The following SGMS1 variants were observed in gnomAD, a reference collection of about 807,000 sequenced individuals.
The protein encoded by SGMS1 is phosphatidylcholine:ceramide cholinephosphotransferase 1.
Under a neutral mutation model 46.2 loss-of-function variants are expected in SGMS1, and 13 were observed. That is an observed-to-expected ratio of 0.28 (90% confidence interval 0.18 to 0.45). SGMS1 has a LOEUF of 0.45. Ranked by LOEUF, SGMS1 falls within the 20% of genes least tolerant of loss-of-function variation. The pLI is 1.00. For synonymous variants in SGMS1, 203 were observed against 187.8 expected (o/e 1.08, Z -0.66); for missense variants, 324 against 519.9 (o/e 0.62, Z 3.66).
At chr10:50,354,632 A>C (rs1224426405) in intron 6 of SGMS1, among the ~76,000 whole-genome samples, 1 of 152,218 alleles carries the variant, frequency 6.6e-6, no homozygotes, top group Non-Finnish European at 1.5e-5. Context: ...AGCAAAAGAA[A>C]CTACCATCAG....
intron 8 of SGMS1, among the ~76,000 whole-genome samples, chr10:50,312,235 T>A (rs1171563977): frequency 1.3e-5 from 2 of 151,810 alleles, no homozygotes; most frequent in African/African-American, 4.8e-5. Context: ...CTTATAAGAA[T>A]CTAGCTTTGG....
In SGMS1 at chr10:50,455,450, T is replaced by C. The variant is rs577441655; in HGVS notation, c.-313+5223A>G. Among the ~76,000 whole-genome samples the C allele has an allele frequency of 5.3e-5, 8 of 152,334 alleles. No homozygotes were observed. In the East Asian group the frequency reaches 1.5e-3, roughly 29 times the overall value. On this transcript the variant is annotated intron_variant, in intron 5 of 10. Transcript: ENST00000361781. ...CATACATTGATACCCCTGCACCAAC[T>C]GTCTGGTAAATAAAGCTAAGATTTT...
intron 3 of SGMS1, among the ~76,000 whole-genome samples, chr10:50,506,580 A>G (rs1035697013): frequency 2.4e-4 from 36 of 152,202 alleles, no homozygotes; most frequent in African/African-American, 8.4e-4. Flanking sequence ...ACAGAATCCT[A>G]CACTAAAAGG....
chr10:50,533,781 G>T (rs181258157), intron 2 of SGMS1, among the ~76,000 whole-genome samples: 5 of 151,938 alleles, frequency 3.3e-5, no homozygotes, highest in Admixed American at 2.0e-4. Flanking sequence ...AATATATAAA[G>T]TTTATATACA....
At chr10:50,614,063 C>A (rs530090987) in intron 1 of SGMS1, among the ~76,000 whole-genome samples, 26 of 151,746 alleles carry the variant, frequency 1.7e-4, no homozygotes, top group African/African-American at 5.8e-4. Context: ...TTTAATTTGT[C>A]TGTGCCTAAA....
intron 2 of SGMS1, among the ~76,000 whole-genome samples, chr10:50,573,927 G>C (rs891375297): frequency 1.6e-4 from 25 of 152,254 alleles, no homozygotes; most frequent in African/African-American, 5.8e-4. Flanking sequence ...ATGGGGCAAG[G>C]ATAGTCTCTT....
intron 6 of SGMS1, among the ~76,000 whole-genome samples, chr10:50,418,681 T>A (rs1394003767): frequency 6.6e-6 from 1 of 152,226 alleles, no homozygotes; most frequent in Non-Finnish European, 1.5e-5. Flanking sequence ...GAAAGATACT[T>A]CAGTGGATGT....
At chr10:50,316,443 A>G (rs1847339228) in intron 8 of SGMS1, among the ~76,000 whole-genome samples, 1 of 152,196 alleles carries the variant, frequency 6.6e-6, no homozygotes. Context: ...TAAATGTGCT[A>G]TTTACAAAAC....
rs1053075959 is a variant in SGMS1 at position 50,306,338 on chromosome 10, T to G, written c.*804A>C. ...ATATTTATATTTTCAAGGAATACTT[T>G]ATTTTAAATAAAAACATTTAAGATT... On this transcript the variant is annotated 3_prime_UTR_variant, in exon 11 of 11. Transcript: ENST00000361781. 1 of 152,630 alleles carries G rather than the reference T, an allele frequency of 6.6e-6. No homozygotes were observed. Among genetic ancestry groups the G allele is most frequent in the African/African-American group, 2.4e-5 (1 of 41,470 alleles). The allele number at this position is 152,630 out of a possible 1,614,324, so 9.5% of individuals were successfully genotyped here.
At position 50,590,492 on chromosome 10, in the gene SGMS1, C is replaced by CT. The variant is rs978326552; in HGVS notation, c.-683-246dup. Among the ~76,000 whole-genome samples the CT allele has an allele frequency of 4.6e-5, 7 of 151,346 alleles. No homozygotes were observed. The East Asian group carries it at 9.7e-4, about 21-fold the overall frequency. Reference sequence around the variant, plus strand: ...AATAAAGGAATTCCTCTGTAAGTTTCTTTTTTTTTCCCTCCAACTTTATTG... The same window carrying CT: ...AATAAAGGAATTCCTCTGTAAGTTTCTTTTTTTTTTCCCTCCAACTTTATTG... On this transcript the variant is annotated intron_variant, in intron 1 of 10. Transcript: ENST00000361781.
chr10:50,544,962 A>G (rs941827727), intron 2 of SGMS1, among the ~76,000 whole-genome samples: 15 of 152,234 alleles, frequency 9.9e-5, no homozygotes, highest in Non-Finnish European at 1.9e-4. Flanking sequence ...AATTATTCAT[A>G]GCTTCTTTAT....
intron 6 of SGMS1, among the ~76,000 whole-genome samples, chr10:50,414,738 G>C (rs1849145680): frequency 6.6e-6 from 1 of 152,150 alleles, no homozygotes; most frequent in South Asian, 2.1e-4. Context: ...GTGCTTCAAA[G>C]AACGACGCAA....
At chr10:50,363,163 TA>T (rs1055848257) in intron 6 of SGMS1, among the ~76,000 whole-genome samples, 15 of 152,096 alleles carry the variant, frequency 9.9e-5, no homozygotes, top group Non-Finnish European at 2.1e-4. Context: ...GAAATGGTAG[TA>T]AAAAGATTTT....
intron 5 of SGMS1, among the ~76,000 whole-genome samples, chr10:50,457,607 C>T (rs1199961800): frequency 2.0e-5 from 3 of 152,090 alleles, no homozygotes; most frequent in Non-Finnish European, 2.9e-5. Context: ...CACTGTCTAT[C>T]GTTCCCATCT....
intron 2 of SGMS1, among the ~76,000 whole-genome samples, chr10:50,587,960 GAA>G (rs1300262294): frequency 6.6e-6 from 1 of 152,018 alleles, no homozygotes; most frequent in African/African-American, 2.4e-5. Flanking sequence ...TACTTCAGTA[GAA>G]AGTTTTTTAA....
chr10:50,536,286 T>G (rs1446630560), intron 2 of SGMS1, among the ~76,000 whole-genome samples: 1 of 152,130 alleles, frequency 6.6e-6, no homozygotes, highest in Non-Finnish European at 1.5e-5. Flanking sequence ...TGAGCTGTGA[T>G]TGTGCCACTG....
At chr10:50,497,523 T>C (rs561600535) in intron 3 of SGMS1, among the ~76,000 whole-genome samples, 1 of 152,330 alleles carries the variant, frequency 6.6e-6, no homozygotes, top group South Asian at 2.1e-4. Context: ...CCGGGCGCGG[T>C]GGCTCACGCC....
intron 6 of SGMS1, among the ~76,000 whole-genome samples, chr10:50,367,117 G>C (rs1848360328): frequency 6.6e-6 from 1 of 152,176 alleles, no homozygotes; most frequent in African/African-American, 2.4e-5. Flanking sequence ...ATGAAGTTAA[G>C]TTTTGCAGTC....
At chr10:50,558,865 G>A (rs1248934726) in intron 2 of SGMS1, among the ~76,000 whole-genome samples, 1 of 152,026 alleles carries the variant, frequency 6.6e-6, no homozygotes, top group Admixed American at 6.6e-5. Flanking sequence ...ATGTAATATG[G>A]ATAATATACA....
Sources: allele counts gnomAD v4.1 joint callset (sites outside exome capture counted in the v4.1 genomes callset), GRCh38; gene constraint gnomAD v4.1.1; transcripts MANE v1.5; gene names NCBI Gene and HGNC (gene_info 2026-07-23, HGNC 2026-07-21).